CCDC183: variants seen among roughly 807,000 people sequenced by gnomAD.
CCDC183 encodes the protein coiled-coil domain containing 183.
CCDC183 carries 63 observed loss-of-function variants against 65.2 expected under a neutral mutation model. The observed-to-expected ratio is 0.97, with a 90% CI of 0.79 to 1.19. The LOEUF is 1.19. CCDC183 is among the 50% of genes most tolerant of loss of function. The pLI is 0.00. For synonymous variants in CCDC183, 323 were observed against 276.5 expected (o/e 1.17, Z -1.67); for missense variants, 769 against 689.3 (o/e 1.12, Z -1.30).
At chr9:136,798,037 GCT>G (rs1325801042) in intron 1 of CCDC183, among the ~76,000 whole-genome samples, 1 of 151,986 alleles carries the variant, frequency 6.6e-6, no homozygotes, top group Admixed American at 6.5e-5. Context: ...ACGCAGTCTC[GCT>G]CTGTCACCCA....
chr9:136,798,341 G>A (rs911301868), intron 1 of CCDC183, among the ~76,000 whole-genome samples: 2 of 144,084 alleles, frequency 1.4e-5, no homozygotes, highest in Non-Finnish European at 3.0e-5. Flanking sequence ...TCATTCTGTC[G>A]TCCAGGTGGA....
In CCDC183 at chr9:136,805,337, C is replaced by T; in HGVS notation, c.848-20C>T. 1.3e-6 allele frequency: 2 copies of T among 1,596,778 alleles called. No homozygotes were observed. Among genetic ancestry groups the T allele is most frequent in the Non-Finnish European group, 1.7e-6 (2 of 1,167,680 alleles). Reference sequence around the variant, plus strand: ...GAGCCATCCCTGCATGCTGACTGCCCCTCCCCTCTGCTCTGCCAGTGAGGA... The same window carrying T: ...GAGCCATCCCTGCATGCTGACTGCCTCTCCCCTCTGCTCTGCCAGTGAGGA... On this transcript the variant is annotated intron_variant, in intron 8 of 13. Coordinates refer to ENST00000338005, the MANE Select transcript of CCDC183 (RefSeq NM_001039374.5).
rs777055423 is a variant in CCDC183 at position 136,799,256 on chromosome 9, C to T, written c.192+33C>T. 1.9e-5 allele frequency: 30 copies of T among 1,570,986 alleles called. No individual in the cohort carries two copies. The Admixed American group carries it at 2.5e-4, about 13-fold the overall frequency. On this transcript the variant is annotated intron_variant, in intron 2 of 13. Coordinates refer to ENST00000338005, the MANE Select transcript of CCDC183 (RefSeq NM_001039374.5). Reference sequence around the variant, plus strand: ...AACGCCGCCCCTCCCCTCTGCCTGGCGAGCAGGGCAGGAGCTGAGTACACA... The same window carrying T: ...AACGCCGCCCCTCCCCTCTGCCTGGTGAGCAGGGCAGGAGCTGAGTACACA...
chr9:136,799,110 C>G lies in CCDC183; in HGVS notation c.79C>G (p.Arg27Gly), dbSNP rs1437697370. 6.2e-7 allele frequency: 1 copy of G among 1,613,192 alleles called. No homozygotes were observed. Among genetic ancestry groups the G allele is most frequent in the Non-Finnish European group, 8.5e-7 (1 of 1,179,776 alleles). Residue 27 changes from arginine (R) to glycine (G), a missense_variant, in exon 2 of 14, where the codon CGG becomes GGG. Physicochemically the swap from Arg to Gly is moderately radical, Grantham distance 125. Coordinates refer to ENST00000338005, the MANE Select transcript of CCDC183 (RefSeq NM_001039374.5). The part of the protein sequence containing the change: ...KTITQLQEQC[R>G]ALQIQGVKEN... Reference sequence around the variant, plus strand: ...CCTCCACCTGCCCACAGAGCAGTGTCGGGCACTCCAGATCCAAGGGGTGAA... The same window carrying G: ...CCTCCACCTGCCCACAGAGCAGTGTGGGGCACTCCAGATCCAAGGGGTGAA...
intron 9 of CCDC183, among the ~76,000 whole-genome samples, chr9:136,805,816 G>C (rs1847834989): frequency 6.6e-6 from 1 of 152,124 alleles, no homozygotes; most frequent in South Asian, 2.1e-4. Context: ...TTAGGGTCGT[G>C]TGCAATGACA....
chr9:136,806,682 G>A lies in CCDC183; in HGVS notation c.1278+10G>A. 6.2e-7 allele frequency: 1 copy of A among 1,613,346 alleles called. No homozygotes were observed. The highest frequency in any genetic ancestry group is 8.5e-7 in the Non-Finnish European group (1 of 1,179,980). ...CTTGCCTGCGACCCAGGTACCGGGA[G>A]TGAGGCTGAGCTGCCACACACCAGG... On this transcript the variant is annotated intron_variant, in intron 11 of 13. Transcript: ENST00000338005.
chr9:136,800,084 G>T lies in CCDC183; in HGVS notation c.353G>T (p.Gly118Val). ...CTGATCCACCTGGTGCGGCGGCGCG[G>T]GCAGAAGCTGGAGAGCATGCAGCTG... ...NLLIHLVRRR[G>V]QKLESMQLEL... Residue 118 changes from glycine to valine, a missense_variant, in exon 4 of 14, where the codon GGG (glycine) becomes GTG (valine). Coordinates refer to ENST00000338005, the MANE Select transcript of CCDC183 (RefSeq NM_001039374.5). 1 of 1,568,984 alleles carries T rather than the reference G, an allele frequency of 6.4e-7. No individual in the cohort carries two copies. The highest frequency in any genetic ancestry group is 2.3e-5 in the East Asian group (1 of 42,806).
chr9:136,806,263 G>A (rs749409610), intron 10 of CCDC183, 25 bp downstream of exon 10: 2 of 1,576,944 alleles, frequency 1.3e-6, no homozygotes, highest in Admixed American at 3.6e-5. Flanking sequence ...CGGGGCTGCG[G>A]GCCACCCACC....
intron 6 of CCDC183, among the ~76,000 whole-genome samples, chr9:136,803,551 G>A (rs149373382): frequency 1.0e-3 from 155 of 152,278 alleles, no homozygotes; most frequent in South Asian, 1.4e-3. Flanking sequence ...AGCAGGGACC[G>A]GGACAGGCAG....
chr9:136,800,528 G>C, intron 5 of CCDC183, 35 bp downstream of exon 5: 1 of 1,505,310 alleles, frequency 6.6e-7, no homozygotes, highest in Non-Finnish European at 9.1e-7. Flanking sequence ...CGGGGGTCAG[G>C]GGCTGGGATC....
At chr9:136,796,610 T>C (rs1847652957) in intron 1 of CCDC183, 143 bp downstream of exon 1, 1 of 669,520 alleles carries the variant, frequency 1.5e-6, no homozygotes, top group Non-Finnish European at 2.6e-6. Flanking sequence ...TGATCTGTAC[T>C]AAGAAAAATT....
rs751532733 is a variant in CCDC183, at chr9:136,807,677, A to G, written c.1592A>G (p.Lys531Arg). The change falls in exon 14 of 14, where the codon AAA becomes AGA. Residue 531 changes from lysine to arginine, a missense_variant. Transcript: ENST00000338005. ...GAGGGGAAGCTCAAGGCGGCCAAGA[A>G]AAAGAAGAAGTAGCCCCGCCGCCCC... The part of the protein sequence containing the change: ...LIEGKLKAAK[K>R]KKK 2 of 1,602,204 alleles carry G rather than the reference A, an allele frequency of 1.2e-6. No individual in the cohort carries two copies. Among genetic ancestry groups the G allele is most frequent in the Admixed American group, 3.4e-5 (2 of 58,598 alleles).
Position 136,807,583 on chromosome 9 carries a change from T to G in CCDC183, c.1498T>G (p.Phe500Val). Residue 500 changes from phenylalanine to valine, a missense_variant, in exon 14 of 14, where the codon TTC becomes GTC. Physicochemically the swap from Phe to Val is conservative, Grantham distance 50 (BLOSUM62 -1). Transcript: ENST00000338005. Reference sequence around the variant, plus strand: ...GCCTCCGCCCGCAGACACCTTCCAGTTCCCCGACATGGACCACAGCTACGT... The same window carrying G: ...GCCTCCGCCCGCAGACACCTTCCAGGTCCCCGACATGGACCACAGCTACGT... Reference protein sequence around the residue: ...REEDMIDTFQFPDMDHSYVPS... With the variant: ...REEDMIDTFQVPDMDHSYVPS... 6.2e-7 allele frequency: 1 copy of G among 1,603,126 alleles called. No homozygotes were observed. Among genetic ancestry groups the G allele is most frequent in the South Asian group, 1.1e-5 (1 of 89,756 alleles).
At chr9:136,806,404 A>G (rs1847850776) in intron 10 of CCDC183, 100 bp from the exon 11 acceptor site, 3 of 1,512,914 alleles carry the variant, frequency 2.0e-6, no homozygotes, top group South Asian at 2.4e-5. Flanking sequence ...TGAGTCCCTG[A>G]TTCTGGCACA....
intron 2 of CCDC183, chr9:136,799,468 G>A (rs1847702334): frequency 1.4e-6 from 1 of 726,182 alleles, no homozygotes; most frequent in South Asian, 1.9e-5. Context: ...TGCAGCAGGG[G>A]CCCCCTCTGG....
chr9:136,797,438 C>CT (rs373062914), intron 1 of CCDC183, among the ~76,000 whole-genome samples: 9,909 of 142,168 alleles, frequency 0.07, 537 homozygotes, highest in East Asian at 0.14. Flanking sequence ...TACTTTGTGT[C>CT]TTTTTTTTTT....
Position 136,807,007 on chromosome 9 carries a change from C to T in CCDC183, c.1427C>T (p.Thr476Ile). 1 of 1,613,708 alleles carries T rather than the reference C, an allele frequency of 6.2e-7. No individual in the cohort carries two copies. Among genetic ancestry groups the T allele is most frequent in the Non-Finnish European group, 8.5e-7 (1 of 1,180,022 alleles). Reference sequence around the variant, plus strand: ...GTGAGGGACACCCTGGAGTCCTCGACTCTGATGGAGAAGTACAACACCAGG... The same window carrying T: ...GTGAGGGACACCCTGGAGTCCTCGATTCTGATGGAGAAGTACAACACCAGG... ...TKVRDTLESS[T>I]LMEKYNTRIS... The change falls in exon 13 of 14, where the codon ACT becomes ATT. Residue 476 changes from threonine (T) to isoleucine (I), a missense_variant. By Grantham distance (89) the Thr-to-Ile change is moderately conservative. Coordinates refer to ENST00000338005, the MANE Select transcript of CCDC183 (RefSeq NM_001039374.5).
At position 136,802,777 on chromosome 9, in the gene CCDC183, T is replaced by C; in HGVS notation, c.657T>C (p.Asp219=). The C allele has an allele frequency of 6.2e-7, 1 of 1,610,810 alleles. No individual in the cohort carries two copies. The highest frequency in any genetic ancestry group is 1.1e-5 in the South Asian group (1 of 90,738). Residue 219 remains aspartate (D), a synonymous_variant, in exon 6 of 14, where the codon GAT becomes GAC. Transcript: ENST00000338005. ...CCCAAGATGCCATGATGATCACGGA[T>C]GAGGTCAAGGTGAGCTCAGGGCCCA... ...IMSQDAMMIT[D]EVKRNMRQRE... is the part of the protein sequence containing the mutation.
intron 10 of CCDC183, 88 bp from the exon 11 acceptor site, chr9:136,806,416 C>A: frequency 6.5e-7 from 1 of 1,542,498 alleles, no homozygotes; most frequent in African/African-American, 1.4e-5. Flanking sequence ...TCTGGCACAG[C>A]ACCCAACTCA....
Sources: allele counts gnomAD v4.1 joint callset (sites outside exome capture counted in the v4.1 genomes callset), GRCh38; gene constraint gnomAD v4.1.1; transcripts MANE v1.5; gene names NCBI Gene and HGNC (gene_info 2026-07-23, HGNC 2026-07-21).